Variants in LY6G5B observed in about 807,000 individuals in gnomAD.
The protein encoded by LY6G5B is lymphocyte antigen 6 complex locus protein G5b.
LY6G5B carries 6 observed loss-of-function variants against 6.7 expected under a neutral mutation model. The observed-to-expected ratio is 0.89, with a 90% confidence interval of 0.49 to 1.76. LY6G5B has a LOEUF of 1.76. Among genes scored for constraint, LY6G5B ranks in the 40% most tolerant of loss-of-function variants. LY6G5B has a pLI of 0.01. For missense variants in LY6G5B, 240 were observed against 249.5 expected (o/e 0.96, Z 0.26); for synonymous variants, 98 against 99.4 (o/e 0.99, Z 0.09).
intron 2 of LY6G5B, 74 bp from the exon 3 acceptor site, chr6:31,671,790 A>T: frequency 6.6e-7 from 1 of 1,515,490 alleles, no homozygotes; most frequent in Non-Finnish European, 8.9e-7. Context: ...GAAGGATGGG[A>T]AAAGTCAGTA....
chr6:31,671,006 A>G (rs1802167847), exon 1 of LY6G5B: 1 of 1,612,610 alleles, frequency 6.2e-7, no homozygotes. Context: ...ACAGTAGGAA[A>G]GGGTAAGTGG....
intron 1 of LY6G5B, 21 bp from the exon 2 acceptor site, chr6:31,671,135 T>A: frequency 1.2e-6 from 2 of 1,613,818 alleles, no homozygotes; most frequent in Non-Finnish European, 1.7e-6. Flanking sequence ...AGTGCCTCCA[T>A]CCCTCCTTCT....
upstream of LY6G5B, chr6:31,670,106 G>A (rs758520013): frequency 4.8e-6 from 3 of 625,616 alleles, no homozygotes; most frequent in Non-Finnish European, 8.1e-6. Flanking sequence ...GGGAAGGGAA[G>A]GTGATGGTGT....
chr6:31,671,979 C>T (rs751904512), exon 3 of LY6G5B: 10 of 1,612,962 alleles, frequency 6.2e-6, no homozygotes, highest in East Asian at 4.5e-5. Flanking sequence ...GCTGTCAGTA[C>T]GATTATTGCA....
At chr6:31,672,194 C>T (rs1802282763) in exon 3 of LY6G5B, 3 of 1,613,016 alleles carry the variant, frequency 1.9e-6, no homozygotes, top group African/African-American at 1.3e-5. Context: ...TTGTCTTTTG[C>T]TGAGCTGCGC....
Position 31,671,863 on chromosome 6 carries a change from G to T in LY6G5B, c.188-1G>T. ...GTTATCAGCTTTCCCCTCTCCCTCA[G>T]ATGTCAAGGTTCGCTTCATCGTTCG... is the stretch of plus-strand genomic sequence containing the variant. On this transcript the variant is annotated splice_acceptor_variant, in intron 2 of 2. Coordinates refer to ENST00000375864, the Ensembl canonical transcript of LY6G5B. LOFTEE classifies it high-confidence loss of function. 6.2e-7 allele frequency: 1 copy of T among 1,603,750 alleles called. No individual in the cohort carries two copies. Among genetic ancestry groups the T allele is most frequent in the East Asian group, 2.2e-5 (1 of 44,668 alleles).
Position 31,670,957 on chromosome 6 carries a change from G to A in LY6G5B, c.7G>A (p.Val3Ile), listed in dbSNP as rs1240594930. The A allele has an allele frequency of 2.5e-6, 4 of 1,608,056 alleles. No individual in the cohort carries two copies. The African/African-American group carries it at 5.4e-5, about 22-fold the overall frequency. Residue 3 changes from valine (V) to isoleucine (I), a missense_variant, in exon 1 of 3, where the codon GTC (valine) becomes ATC (isoleucine). Transcript: ENST00000375864. ...ATCTCCCCAGAATTCCAAAATGAAGGTCCATATGCTTGTAGGTGTGCTGGT... is the reference window on the plus strand; with the variant it reads ...ATCTCCCCAGAATTCCAAAATGAAGATCCATATGCTTGTAGGTGTGCTGGT...
At chr6:31,671,379 C>T (rs1802205355) in intron 2 of LY6G5B, 95 bp downstream of exon 2, 3 of 1,567,912 alleles carry the variant, frequency 1.9e-6, no homozygotes, top group Non-Finnish European at 1.7e-6. Context: ...GCATGGGGTA[C>T]AAGAAGAGAG....
chr6:31,670,734 CGTT>C, exon 1 of LY6G5B: 3 of 556,522 alleles, frequency 5.4e-6, no homozygotes, highest in East Asian at 2.9e-5. Context: ...AGGAACCAGA[CGTT>C]GTGGGTGAGG....
intron 1 of LY6G5B, 66 bp from the exon 2 acceptor site, chr6:31,671,090 G>T (rs1222215764): frequency 6.2e-7 from 1 of 1,611,628 alleles, no homozygotes; most frequent in African/African-American, 1.3e-5. Flanking sequence ...GGATAATCGG[G>T]CTTCCTACTG....
Position 31,672,145 on chromosome 6 carries a change from G to A in LY6G5B, c.469G>A (p.Gly157Ser). Reference sequence around the variant, plus strand: ...TTTCCATGCTGGGACGGAGCCTGATGGCCTGGACCCCATGGTCACACTGTC... The same window carrying A: ...TTTCCATGCTGGGACGGAGCCTGATAGCCTGGACCCCATGGTCACACTGTC... The change falls in exon 3 of 3, where the codon GGC becomes AGC. Residue 157 changes from glycine (G) to serine (S), a missense_variant. By Grantham distance (56) the Gly-to-Ser change is moderately conservative (BLOSUM62 0). Coordinates refer to ENST00000375864, the Ensembl canonical transcript of LY6G5B. 1.9e-6 allele frequency: 3 copies of A among 1,613,088 alleles called. No homozygotes were observed. In the Middle Eastern group the frequency reaches 4.9e-4, roughly 266 times the overall value.
chr6:31,671,362 G>C, intron 2 of LY6G5B, 78 bp downstream of exon 2: 1 of 1,595,416 alleles, frequency 6.3e-7, no homozygotes, highest in Non-Finnish European at 8.5e-7. Context: ...GATCAGGGCT[G>C]CTCCGGGCAT....
At chr6:31,670,550 T>C (rs1802134114) in exon 1 of LY6G5B, 1 of 202,992 alleles carries the variant, frequency 4.9e-6, no homozygotes, top group Non-Finnish European at 1.0e-5. Context: ...ACAGTGGGGA[T>C]TGGCCCTGTT....
At chr6:31,672,160 G>A (rs1359226125) in exon 3 of LY6G5B, 1 of 1,613,098 alleles carries the variant, frequency 6.2e-7, no homozygotes, top group Non-Finnish European at 8.5e-7. Context: ...GGACCCCATG[G>A]TCACACTGTC....
chr6:31,671,674 A>C lies in LY6G5B; in HGVS notation c.188-190A>C, dbSNP rs545130715. Among the ~76,000 whole-genome samples the C allele has an allele frequency of 9.9e-5, 15 of 152,194 alleles. No homozygotes were observed. The East Asian group carries it at 2.9e-3, about 29-fold the overall frequency. On this transcript the variant is annotated intron_variant, in intron 2 of 2. Coordinates refer to ENST00000375864, the Ensembl canonical transcript of LY6G5B. Reference sequence around the variant, plus strand: ...AGAGCTAGACCCTGTCTCAAAAAAAACCAGAAGAATCTTGGAAGGAGGGGT... The same window carrying C: ...AGAGCTAGACCCTGTCTCAAAAAAACCCAGAAGAATCTTGGAAGGAGGGGT...
chr6:31,672,370 T>C (rs969572096), exon 3 of LY6G5B: 3 of 1,391,488 alleles, frequency 2.2e-6, no homozygotes, highest in Admixed American at 2.1e-5. Flanking sequence ...GTCACTGTGA[T>C]TTCTTAGGCC....
rs1802250322 is a variant in LY6G5B at position 31,671,896 on chromosome 6, G to T, written c.220G>T (p.Gly74Ter). 1.2e-6 allele frequency: 2 copies of T among 1,612,756 alleles called. No homozygotes were observed. Among genetic ancestry groups the T allele is most frequent in the African/African-American group, 2.7e-5 (2 of 74,894 alleles). Residue 74 changes from glycine to a stop codon, truncating the protein, a stop_gained, in exon 3 of 3, where the codon GGA becomes TGA. Coordinates refer to ENST00000375864, the Ensembl canonical transcript of LY6G5B. LOFTEE classifies it low-confidence loss of function (END_TRUNC). ...GGTTCGCTTCATCGTTCGAGGCTGT[G>T]GACAGTACATTTCCTACCGCTGCCA... is the stretch of plus-strand genomic sequence containing the variant.
chr6:31,671,516 AAAAT>A (rs2151193147), intron 2 of LY6G5B, among the ~76,000 whole-genome samples: 1 of 152,176 alleles, frequency 6.6e-6, no homozygotes, highest in East Asian at 1.9e-4. Context: ...TCTCTACAAA[AAAAT>A]AGCCAGGCAT....
chr6:31,670,627 T>C lies in LY6G5B; in HGVS notation c.-324T>C. On this transcript the variant is annotated 5_prime_UTR_variant, in exon 1 of 3. An upstream open reading frame in the 5' UTR loses its in-frame stop. Coordinates refer to ENST00000375864, the Ensembl canonical transcript of LY6G5B. The stretch of plus-strand genomic sequence containing the variant: ...CCCATGGACTTTCCAAGGGAGGGAA[T>C]AGGTCTTTGGAGGGTATGCAAGACA... The C allele has an allele frequency of 2.7e-6, 1 of 372,194 alleles. No homozygotes were observed. The highest frequency in any genetic ancestry group is 4.8e-6 in the Non-Finnish European group (1 of 206,702). The allele number at this position is 372,194 out of a possible 1,614,324, so 23.1% of individuals were successfully genotyped here.
Sources: gnomAD v4.1 joint callset for allele counts (sites outside exome capture counted in the v4.1 genomes callset) on GRCh38, gnomAD v4.1.1 for gene constraint, MANE v1.5 for transcripts, NCBI Gene and HGNC (gene_info 2026-07-23, HGNC 2026-07-21) for gene names.